TET3: variants seen among roughly 807,000 people sequenced by gnomAD.
TET3 encodes tet methylcytosine dioxygenase 3.
In TET3, 19 loss-of-function variants were observed where a neutral mutation model predicts 141.4. The ratio of observed to expected loss-of-function variants is 0.13; its 90% CI spans 0.09 to 0.20. The LOEUF is 0.20. Among genes scored for constraint, TET3 ranks in the 10% least tolerant of loss-of-function variants. TET3 has a pLI of 1.00. For synonymous variants in TET3, 1,043 were observed against 980.9 expected (o/e 1.06, Z -1.18); for missense variants, 1,874 against 2,356.9 (o/e 0.80, Z 4.24).
intron 3 of TET3, among the ~76,000 whole-genome samples, chr2:74,016,925 A>G (rs1044197615): frequency 1.3e-5 from 2 of 152,110 alleles, no homozygotes; most frequent in African/African-American, 4.8e-5. Flanking sequence ...CATCACCTCA[A>G]ACATTTATTA....
chr2:74,058,538 G>A (rs974040201), intron 4 of TET3, among the ~76,000 whole-genome samples: 13 of 150,626 alleles, frequency 8.6e-5, no homozygotes, highest in African/African-American at 3.2e-4. Flanking sequence ...AAAAAAAAAA[G>A]TTGGTCACCT....
the TET3 span, among the ~76,000 whole-genome samples, chr2:74,115,761 CTCAGCATTTTGGGAGG>C: frequency 3.0e-4 from 46 of 152,154 alleles, no homozygotes; most frequent in East Asian, 8.3e-3. Flanking sequence ...CACCTATAAT[CTCAGCATTTTGGGAGG>C]TCAAGGTGGG....
At chr2:73,992,657 C>T (rs553989320) in intron 2 of TET3, among the ~76,000 whole-genome samples, 5 of 152,100 alleles carry the variant, frequency 3.3e-5, no homozygotes, top group Non-Finnish European at 5.9e-5. Flanking sequence ...CTATTTTGCC[C>T]AGCCTGGTGA....
At chr2:74,006,550 C>G (rs1685159226) in intron 3 of TET3, among the ~76,000 whole-genome samples, 1 of 152,202 alleles carries the variant, frequency 6.6e-6, no homozygotes, top group African/African-American at 2.4e-5. Flanking sequence ...TTTGCTGGGC[C>G]TGGTGAGGAG....
At chr2:73,985,401 GC>G (rs1213975606) in intron 1 of TET3, among the ~76,000 whole-genome samples, 1 of 144,386 alleles carries the variant, frequency 6.9e-6, no homozygotes, top group African/African-American at 2.5e-5. Flanking sequence ...GAACAAAGGA[GC>G]CCGAGCGGCG....
intron 3 of TET3, among the ~76,000 whole-genome samples, chr2:74,027,249 T>C (rs147095054): frequency 1.6e-3 from 251 of 152,306 alleles, no homozygotes; most frequent in African/African-American, 5.8e-3. Context: ...AAGCTGCTTA[T>C]GGAGATGCAG....
At chr2:74,018,417 TTCA>T (rs1320578709) in intron 3 of TET3, among the ~76,000 whole-genome samples, 26 of 152,236 alleles carry the variant, frequency 1.7e-4, no homozygotes, top group Admixed American at 1.2e-3. Context: ...ACAACGAGAA[TTCA>T]TCAGTATTTT....
rs558110085 is a variant in TET3 at position 74,049,594 on chromosome 2, T to C, written c.2494+1183T>C. On this transcript the variant is annotated intron_variant, in intron 4 of 11. Coordinates refer to ENST00000409262, the MANE Select transcript of TET3 (RefSeq NM_001287491.2). The stretch of plus-strand genomic sequence containing the variant: ...CACAGTGGTGCTGGCGATGAGCATA[T>C]TGAATTCTTGTGATTTTGTGATACA... Among the ~76,000 whole-genome samples the C allele has an allele frequency of 1.4e-4, 22 of 152,258 alleles. No individual in the cohort carries two copies. In the South Asian group the frequency reaches 2.7e-3, roughly 19 times the overall value.
intron 3 of TET3, among the ~76,000 whole-genome samples, chr2:74,028,324 CA>C (rs1240342997): frequency 1.3e-5 from 2 of 151,572 alleles, no homozygotes; most frequent in East Asian, 3.9e-4. Flanking sequence ...CTTTGAAACT[CA>C]AAAGTTTTTA....
chr2:73,996,269 G>T (rs1684592010), intron 2 of TET3, among the ~76,000 whole-genome samples: 1 of 152,190 alleles, frequency 6.6e-6, no homozygotes. Context: ...GGAATGAGGG[G>T]ACGATGCTCA....
chr2:73,999,313 C>A (rs776560074), intron 2 of TET3, among the ~76,000 whole-genome samples: 22 of 152,204 alleles, frequency 1.4e-4, no homozygotes, highest in Non-Finnish European at 3.1e-4. Context: ...CTTAGCCTGT[C>A]TGTATCCCAA....
chr2:74,133,072 ATTTTT>A, the TET3 span, among the ~76,000 whole-genome samples: 1 of 105,150 alleles, frequency 9.5e-6, no homozygotes, highest in Non-Finnish European at 2.1e-5. Context: ...TAATTTTTGT[ATTTTT>A]TTTTTTTTTT....
chr2:74,045,131 G>A (rs1687548319), intron 3 of TET3, among the ~76,000 whole-genome samples: 1 of 152,180 alleles, frequency 6.6e-6, no homozygotes, highest in South Asian at 2.1e-4. Flanking sequence ...TTTGGCAGGA[G>A]TTCTATGTGA....
the TET3 span, among the ~76,000 whole-genome samples, chr2:74,120,271 G>T: frequency 6.9e-6 from 1 of 145,900 alleles, no homozygotes; most frequent in South Asian, 2.4e-4. Flanking sequence ...CTCCGCCTCC[G>T]GTCGCTCTGG....
At chr2:74,073,519 C>T (rs746222354) in intron 4 of TET3, 30 bp from the exon 5 acceptor site, 2 of 1,536,962 alleles carry the variant, frequency 1.3e-6, no homozygotes, top group South Asian at 1.2e-5. Context: ...ATTGATATTC[C>T]AAAAATGTTT....
chr2:74,034,618 A>G (rs1298071416), intron 3 of TET3, among the ~76,000 whole-genome samples: 1 of 149,376 alleles, frequency 6.7e-6, no homozygotes, highest in Non-Finnish European at 1.5e-5. Flanking sequence ...TCTGGGATTC[A>G]TTGATGTTCC....
At chr2:74,114,692 A>T in the TET3 span, among the ~76,000 whole-genome samples, 3 of 151,578 alleles carry the variant, frequency 2.0e-5, no homozygotes, top group Admixed American at 1.3e-4. Flanking sequence ...GTCTCTACTG[A>T]AAATACAAAA....
chr2:74,032,889 T>G (rs1441354030), intron 3 of TET3, among the ~76,000 whole-genome samples: 1 of 151,682 alleles, frequency 6.6e-6, no homozygotes, highest in African/African-American at 2.4e-5. Context: ...GAACAGCAAG[T>G]TAGTTACATA....
intron 3 of TET3, among the ~76,000 whole-genome samples, chr2:74,006,129 T>C (rs1050407476): frequency 1.3e-5 from 2 of 152,198 alleles, no homozygotes; most frequent in Non-Finnish European, 2.9e-5. Flanking sequence ...TCCTCGACTT[T>C]CTATACACTC....
Sources: allele counts gnomAD v4.1 joint callset (sites outside exome capture counted in the v4.1 genomes callset), GRCh38; gene constraint gnomAD v4.1.1; transcripts MANE v1.5; gene names NCBI Gene and HGNC (gene_info 2026-07-23, HGNC 2026-07-21).